The following TTLL4 variants were observed in gnomAD, a reference collection of about 807,000 sequenced individuals.
TTLL4 encodes tubulin monoglutamylase TTLL4.
A neutral mutation model predicts 122.7 loss-of-function variants in TTLL4; 85 were observed. The ratio of observed to expected loss-of-function variants is 0.69; its 90% CI spans 0.58 to 0.83. TTLL4 has a LOEUF of 0.83. TTLL4 is among the 40% of genes least tolerant of loss of function. The probability of loss-of-function intolerance (pLI) is 0.00; values close to 1 mark genes in which losing one functional copy is unlikely to be tolerated. For synonymous variants in TTLL4, 553 were observed against 563.0 expected, an observed-to-expected ratio of 0.98 and a Z score of 0.25; for missense variants, 1,363 against 1,488.6, an observed-to-expected ratio of 0.92 and a Z score of 1.39.
In TTLL4 at chr2:218,753,117, G is replaced by A; in HGVS notation, c.3190G>A (p.Val1064Ile). Residue 1064 changes from valine (V) to isoleucine (I), a missense_variant and splice_region_variant, in exon 18 of 20, where the codon GTA becomes ATA. Coordinates refer to ENST00000392102, the MANE Select transcript of TTLL4 (RefSeq NM_014640.5). ...AACTCCTGCTAATCTTGTCCTAGGA[G>A]TAGATCTGCTCCGGAGTTGGTGCTA... ...QKYHGNKLKG[V>I]DLLRSWCYKG... 1 of 1,614,212 alleles carries A rather than the reference G, an allele frequency of 6.2e-7. No individual in the cohort carries two copies. The highest frequency in any genetic ancestry group is 1.3e-5 in the African/African-American group (1 of 75,056).
chr2:218,753,361 G>A (rs1943076396), intron 18 of TTLL4, 176 bp downstream of exon 18: 1 of 854,488 alleles, frequency 1.2e-6, no homozygotes, highest in Non-Finnish European at 1.9e-6. Flanking sequence ...GATTCCCTGG[G>A]TACCTTTCTT....
intron 4 of TTLL4, 152 bp from the exon 5 acceptor site, chr2:218,740,369 T>C: frequency 1.1e-6 from 1 of 925,500 alleles, no homozygotes; most frequent in Admixed American, 2.2e-5. Flanking sequence ...CCGCTGCTTC[T>C]GTTGAGGAAG....
At chr2:218,735,552 T>C (rs1317122455) in intron 2 of TTLL4, among the ~76,000 whole-genome samples, 1 of 152,064 alleles carries the variant, frequency 6.6e-6, no homozygotes, top group East Asian at 1.9e-4. Flanking sequence ...CCAGTTTGGG[T>C]GACAGAGCAA....
chr2:218,717,548 A>G (rs1390827389), intron 1 of TTLL4, among the ~76,000 whole-genome samples: 1 of 152,244 alleles, frequency 6.6e-6, no homozygotes, highest in South Asian at 2.1e-4. Context: ...AGGTTTGCTT[A>G]CTTGTTTGGC....
intron 2 of TTLL4, among the ~76,000 whole-genome samples, chr2:218,733,624 T>C (rs779608533): frequency 4.6e-5 from 7 of 152,150 alleles, no homozygotes; most frequent in Non-Finnish European, 1.0e-4. Flanking sequence ...ATATGAGATC[T>C]GGAATACCTT....
chr2:218,759,280 T>TGGCTCAC (rs1943200048), downstream of TTLL4, among the ~76,000 whole-genome samples: 3 of 152,028 alleles, frequency 2.0e-5, no homozygotes, highest in Admixed American at 1.3e-4. Context: ...TCAGGTGCTG[T>TGGCTCAC]GGCTCACGCC....
chr2:218,721,793 A>T (rs1304197380), intron 1 of TTLL4, among the ~76,000 whole-genome samples: 1 of 146,684 alleles, frequency 6.8e-6, no homozygotes, highest in African/African-American at 2.4e-5. Context: ...TGGAAGATAG[A>T]CAGATAGCAA....
At chr2:218,757,143 T>G (rs1943167641), downstream of TTLL4, among the ~76,000 whole-genome samples, 1 of 152,210 alleles carries the variant, frequency 6.6e-6, no homozygotes, top group Admixed American at 6.5e-5. Context: ...GCACTTTGCA[T>G]GGTCACACCT....
chr2:218,718,354 G>A (rs1403227656), intron 1 of TTLL4, among the ~76,000 whole-genome samples: 2 of 151,994 alleles, frequency 1.3e-5, no homozygotes, highest in Non-Finnish European at 1.5e-5. Flanking sequence ...GTTGGTTTGC[G>A]ACAGCAGCAA....
chr2:218,756,825 A>AG (rs1943161312), downstream of TTLL4, among the ~76,000 whole-genome samples: 1 of 152,146 alleles, frequency 6.6e-6, no homozygotes, highest in South Asian at 2.1e-4. Flanking sequence ...TAGTGGAGTA[A>AG]GGGCTTGGGG....
At chr2:218,728,086 G>T (rs543343682) in intron 2 of TTLL4, 1 of 126,864 alleles carries the variant, frequency 7.9e-6, no homozygotes, top group Non-Finnish European at 1.6e-5. Context: ...TGGCTTTAGC[G>T]CAGTGTTCCC....
At chr2:218,739,691 C>T (rs1294685366) in intron 3 of TTLL4, among the ~76,000 whole-genome samples, 2 of 152,192 alleles carry the variant, frequency 1.3e-5, no homozygotes, top group African/African-American at 4.8e-5. Flanking sequence ...TGTTATTTTC[C>T]TGGGAACTTG....
chr2:218,713,848 A>G (rs529026895), intron 1 of TTLL4, among the ~76,000 whole-genome samples: 1 of 152,308 alleles, frequency 6.6e-6, no homozygotes, highest in South Asian at 2.1e-4. Context: ...TCTAGTGGAA[A>G]TGGAGAGGGT....
rs1388585361 is a variant in TTLL4, at chr2:218,750,108, C to A, written c.2835C>A (p.Ile945=). The A allele has an allele frequency of 3.1e-6, 5 of 1,614,012 alleles. No homozygotes were observed. The South Asian group carries it at 5.5e-5, about 18-fold the overall frequency. Residue 945 remains isoleucine, a synonymous_variant, in exon 15 of 20, where the codon ATC becomes ATA. Coordinates refer to ENST00000392102, the MANE Select transcript of TTLL4 (RefSeq NM_014640.5). ...AGFVLPNAED[I]ISSPSSCSSS... ...TTGTCCTGCCCAATGCAGAGGATAT[C>A]ATTTCCAGCCCCAGCAGCTGCAGCA... is the stretch of plus-strand genomic sequence containing the variant.
rs571147449 is a variant in TTLL4, at chr2:218,745,772, T to C, written c.1868T>C (p.Ile623Thr). ...TVTPNIVKQT[I>T]GRSHFKISKR... ...ACCCCCAACATTGTCAAGCAGACCA[T>C]TGGACGGTCCCACTTCAAAATCAGC... Residue 623 changes from isoleucine to threonine, a missense_variant, in exon 7 of 20, where the codon ATT becomes ACT. By Grantham distance (89) the Ile-to-Thr change is moderately conservative (BLOSUM62 -1). Transcript: ENST00000392102. The C allele has an allele frequency of 3.7e-6, 6 of 1,613,466 alleles. No homozygotes were observed. The highest frequency in any genetic ancestry group is 1.1e-5 in the South Asian group (1 of 90,958).
intron 1 of TTLL4, among the ~76,000 whole-genome samples, chr2:218,719,705 T>A (rs2106393950): frequency 6.6e-6 from 1 of 152,316 alleles, no homozygotes; most frequent in Non-Finnish European, 1.5e-5. Context: ...AACTGAATCC[T>A]CTTGAAGGTG....
chr2:218,729,135 T>C (rs1384457205), intron 2 of TTLL4, among the ~76,000 whole-genome samples: 1 of 152,092 alleles, frequency 6.6e-6, no homozygotes, highest in East Asian at 1.9e-4. Flanking sequence ...GGTTTCGCCA[T>C]GTTGGCCAGG....
At chr2:218,742,010 G>T (rs1328315785) in intron 5 of TTLL4, among the ~76,000 whole-genome samples, 1 of 152,114 alleles carries the variant, frequency 6.6e-6, no homozygotes, top group Non-Finnish European at 1.5e-5. Context: ...GCCCAGGCTA[G>T]AGTGCAGTGG....
At chr2:218,741,121 G>A (rs922638391) in intron 5 of TTLL4, among the ~76,000 whole-genome samples, 2 of 152,152 alleles carry the variant, frequency 1.3e-5, no homozygotes, top group African/African-American at 4.8e-5. Context: ...TGGGCGCAGT[G>A]GCTTATGCCT....
Sources: allele counts gnomAD v4.1 joint callset (sites outside exome capture counted in the v4.1 genomes callset), GRCh38; gene constraint gnomAD v4.1.1; transcripts MANE v1.5; gene names NCBI Gene and HGNC (gene_info 2026-07-23, HGNC 2026-07-21).